The following CDH8 variants were observed in gnomAD, a reference collection of about 807,000 sequenced individuals.
CDH8 encodes the protein cadherin 8.
Under a neutral mutation model 68.1 loss-of-function variants are expected in CDH8, and 17 were observed. That is an observed-to-expected ratio of 0.25 (90% CI 0.17 to 0.37). The LOEUF is 0.37. CDH8 is among the 10% of genes least tolerant of loss of function. CDH8 has a pLI of 1.00. For missense variants in CDH8, 763 were observed against 999.3 expected (o/e 0.76, Z 3.19); for synonymous variants, 372 against 365.1 (o/e 1.02, Z -0.21).
intron 3 of CDH8, among the ~76,000 whole-genome samples, chr16:61,883,195 T>C (rs145711401): frequency 6.6e-6 from 1 of 152,282 alleles, no homozygotes; most frequent in East Asian, 1.9e-4. Context: ...GCATTTTGTA[T>C]AGCATGTTGC....
At chr16:61,956,210 A>T (rs1288164818) in intron 2 of CDH8, among the ~76,000 whole-genome samples, 3 of 152,004 alleles carry the variant, frequency 2.0e-5, no homozygotes, top group Admixed American at 6.6e-5. Context: ...ATATACATTC[A>T]CTTTTTAAGA....
intron 4 of CDH8, among the ~76,000 whole-genome samples, chr16:61,838,183 TA>T (rs1962609094): frequency 6.6e-6 from 1 of 152,160 alleles, no homozygotes. Context: ...TCTAGATTTT[TA>T]AAGATTACAT....
chr16:61,974,299 C>T (rs1965399043), intron 2 of CDH8, among the ~76,000 whole-genome samples: 2 of 152,146 alleles, frequency 1.3e-5, no homozygotes, highest in Non-Finnish European at 2.9e-5. Context: ...ACACAGGCAT[C>T]CTGAACTATG....
chr16:61,661,670 CACCATCAGCCATA>C (rs2142756208), intron 10 of CDH8, among the ~76,000 whole-genome samples: 1 of 151,620 alleles, frequency 6.6e-6, no homozygotes, highest in South Asian at 2.1e-4. Context: ...CCTAATTTTT[CACCATCAGCCATA>C]TAAAAAGAAG....
intron 3 of CDH8, among the ~76,000 whole-genome samples, chr16:61,885,271 G>T (rs990215911): frequency 6.6e-6 from 1 of 152,110 alleles, no homozygotes; most frequent in Non-Finnish European, 1.5e-5. Flanking sequence ...TGGGTGCTGG[G>T]TATACAAACC....
intron 8 of CDH8, among the ~76,000 whole-genome samples, chr16:61,787,489 G>A (rs1475419631): frequency 7.1e-6 from 1 of 140,522 alleles, no homozygotes; most frequent in Non-Finnish European, 1.5e-5. Flanking sequence ...TTACACTGTT[G>A]GTGGGACTGG....
chr16:61,958,089 A>G (rs1965016382), intron 2 of CDH8, among the ~76,000 whole-genome samples: 1 of 152,204 alleles, frequency 6.6e-6, no homozygotes, highest in Admixed American at 6.5e-5. Flanking sequence ...TGCCCTCAAA[A>G]AGCTATATCT....
chr16:61,703,743 G>C (rs1481834933), intron 10 of CDH8, among the ~76,000 whole-genome samples: 5 of 152,180 alleles, frequency 3.3e-5, no homozygotes, highest in Non-Finnish European at 5.9e-5. Flanking sequence ...GGGAGGCTGA[G>C]GCAGGAGAAT....
At chr16:61,980,975 G>A (rs773642554) in intron 2 of CDH8, among the ~76,000 whole-genome samples, 3 of 151,972 alleles carry the variant, frequency 2.0e-5, no homozygotes, top group South Asian at 2.1e-4. Flanking sequence ...TTCAGTCTCC[G>A]GTGGCTCAAC....
intron 2 of CDH8, among the ~76,000 whole-genome samples, chr16:61,904,671 C>T (rs962613220): frequency 5.9e-5 from 9 of 152,212 alleles, no homozygotes; most frequent in Non-Finnish European, 1.0e-4. Flanking sequence ...TGATTAGCTA[C>T]CTTTTATGGG....
intron 3 of CDH8, among the ~76,000 whole-genome samples, chr16:61,866,299 T>C (rs754634055): frequency 1.9e-4 from 29 of 152,118 alleles, no homozygotes; most frequent in African/African-American, 3.1e-4. Context: ...CAATGGCTAT[T>C]TGCACAGTAT....
chr16:61,938,900 T>C (rs1256129952), intron 2 of CDH8, among the ~76,000 whole-genome samples: 3 of 152,162 alleles, frequency 2.0e-5, no homozygotes, highest in African/African-American at 4.8e-5. Context: ...AGATGATATA[T>C]GTAAAATGTT....
chr16:61,757,810 A>G (rs1416898848), intron 8 of CDH8, among the ~76,000 whole-genome samples: 1 of 152,162 alleles, frequency 6.6e-6, no homozygotes. Flanking sequence ...CCCAGTTTAT[A>G]TCACATTCTG....
intron 2 of CDH8, among the ~76,000 whole-genome samples, chr16:61,930,196 A>G (rs1964519087): frequency 6.6e-6 from 1 of 152,024 alleles, no homozygotes; most frequent in African/African-American, 2.4e-5. Flanking sequence ...AAGAGCTGTC[A>G]ACAGTAAAGG....
intron 9 of CDH8, among the ~76,000 whole-genome samples, chr16:61,716,645 A>G (rs2142873209): frequency 6.6e-6 from 1 of 151,850 alleles, no homozygotes; most frequent in Non-Finnish European, 1.5e-5. Context: ...TGTCAAGCTC[A>G]TGTCAAGCTC....
rs534012696 is a variant in CDH8, at chr16:61,955,760, A to G, written c.253-54287T>C. Among the ~76,000 whole-genome samples, 3 of 152,322 alleles carry G rather than the reference A, an allele frequency of 2.0e-5. No individual in the cohort carries two copies. The South Asian group carries it at 6.2e-4, about 32-fold the overall frequency. On this transcript the variant is annotated intron_variant, in intron 2 of 11. Coordinates refer to ENST00000577390, the MANE Select transcript of CDH8 (RefSeq NM_001796.5). ...TAAAAATACAAACCAGCTCAATTAC[A>G]GTGCCTAGTATCTTGTAAAGATGCA...
intron 1 of CDH8, among the ~76,000 whole-genome samples, chr16:62,034,764 C>A (rs988972807): frequency 1.3e-5 from 2 of 152,154 alleles, no homozygotes; most frequent in African/African-American, 4.8e-5. Context: ...ACCTTTCCTC[C>A]CTCCCGCTGT....
intron 4 of CDH8, among the ~76,000 whole-genome samples, chr16:61,828,118 C>A (rs1567489402): frequency 6.6e-6 from 1 of 151,970 alleles, no homozygotes; most frequent in South Asian, 2.1e-4. Flanking sequence ...AGTAAAGAAA[C>A]TGGCCAAAAC....
chr16:61,796,718 A>T (rs1311458298), intron 7 of CDH8, among the ~76,000 whole-genome samples: 4 of 152,080 alleles, frequency 2.6e-5, no homozygotes, highest in African/African-American at 9.7e-5. Context: ...TAAGGAACTG[A>T]TCCTTTTACT....
Sources: allele counts gnomAD v4.1 joint callset (sites outside exome capture counted in the v4.1 genomes callset), GRCh38; gene constraint gnomAD v4.1.1; transcripts MANE v1.5; gene names NCBI Gene and HGNC (gene_info 2026-07-23, HGNC 2026-07-21).